The following MYLK variants were observed in gnomAD, a reference collection of about 807,000 sequenced individuals.
MYLK encodes myosin light chain kinase, smooth muscle.
A neutral mutation model predicts 203.4 loss-of-function variants in MYLK; 106 were observed. The observed-to-expected ratio is 0.52, with a 90% CI of 0.45 to 0.61. MYLK has a LOEUF of 0.61. Among genes scored for constraint, MYLK ranks in the 20% least tolerant of loss-of-function variants. MYLK has a pLI of 0.00. For missense variants in MYLK, 2,072 were observed against 2,442.3 expected, an observed-to-expected ratio of 0.85 and a Z score of 3.20; for synonymous variants, 867 against 959.5, an observed-to-expected ratio of 0.90 and a Z score of 1.78.
At chr3:123,737,243 G>T in intron 8 of MYLK, 135 bp downstream of exon 8, 1 of 978,688 alleles carries the variant, frequency 1.0e-6, no homozygotes, top group Non-Finnish European at 1.5e-6. Flanking sequence ...AAAAAGACCT[G>T]CCCCTGGGGA....
intron 27 of MYLK, among the ~76,000 whole-genome samples, chr3:123,644,879 AT>A (rs914191282): frequency 1.3e-5 from 2 of 152,180 alleles, no homozygotes; most frequent in Non-Finnish European, 2.9e-5. Context: ...AAATAGTAGA[AT>A]TTTATAACCA....
chr3:123,631,964 G>C (rs529502147), intron 29 of MYLK, among the ~76,000 whole-genome samples: 1 of 151,828 alleles, frequency 6.6e-6, no homozygotes, highest in South Asian at 2.1e-4. Flanking sequence ...CTGCCCCCTG[G>C]GTTCATGCCA....
intron 2 of MYLK, among the ~76,000 whole-genome samples, chr3:123,861,702 T>C (rs2031939088): frequency 6.6e-6 from 1 of 152,196 alleles, no homozygotes; most frequent in Admixed American, 6.5e-5. Context: ...ACAAGTGTCC[T>C]AATCCAGCAC....
chr3:123,855,676 A>C (rs559636854), intron 2 of MYLK, among the ~76,000 whole-genome samples: 56 of 152,278 alleles, frequency 3.7e-4, no homozygotes, highest in African/African-American at 1.3e-3. Flanking sequence ...AAATAAAAAC[A>C]AAATTAAAAT....
At chr3:123,614,485 CTG>C (rs1375041656) in intron 33 of MYLK, 136 bp from the exon 34 acceptor site, 6 of 914,550 alleles carry the variant, frequency 6.6e-6, no homozygotes, top group Non-Finnish European at 1.0e-5. Flanking sequence ...CCTTTATCGA[CTG>C]TTTTGATATC....
At chr3:123,701,322 G>A in intron 17 of MYLK, 116 bp downstream of exon 17, 1 of 1,106,260 alleles carries the variant, frequency 9.0e-7, no homozygotes, top group Admixed American at 1.9e-5. Context: ...TCTGGCTTTG[G>A]CAGCCTCAGC....
At chr3:123,759,156 C>A (rs910580637) in intron 4 of MYLK, among the ~76,000 whole-genome samples, 2 of 152,190 alleles carry the variant, frequency 1.3e-5, no homozygotes, top group African/African-American at 4.8e-5. Flanking sequence ...TGATGGGCAA[C>A]TTCTCACGTT....
At chr3:123,708,675 C>G (rs368103561) in intron 15 of MYLK, 23 bp downstream of exon 15, 3 of 1,613,720 alleles carry the variant, frequency 1.9e-6, no homozygotes, top group South Asian at 2.2e-5. Flanking sequence ...CCTTCCCACT[C>G]GCTCTGAGTG....
rs72626353 is a variant in MYLK at position 123,677,825 on chromosome 3, A to G, written c.3652+4399T>C. On this transcript the variant is annotated intron_variant, in intron 20 of 33. Transcript: ENST00000360304. Reference sequence around the variant, plus strand: ...CATAGTTAGAATTCAAGGGCATGATATCTCCAATTTGGCCTAAAATGGTAG... The same window carrying G: ...CATAGTTAGAATTCAAGGGCATGATGTCTCCAATTTGGCCTAAAATGGTAG... 0.032 allele frequency among the ~76,000 whole-genome samples: 4,628 copies of G among 146,026 alleles called. 351 individuals are homozygous for G. In the East Asian group the frequency reaches 0.34, roughly 11 times the overall value.
chr3:123,866,754 G>A (rs1274434750), intron 2 of MYLK, among the ~76,000 whole-genome samples: 1 of 152,008 alleles, frequency 6.6e-6, no homozygotes, highest in Non-Finnish European at 1.5e-5. Context: ...CAGACCTCAG[G>A]ACAACCCTTA....
chr3:123,842,963 G>A (rs147840743), intron 2 of MYLK, among the ~76,000 whole-genome samples: 177 of 152,274 alleles, frequency 1.2e-3, no homozygotes, highest in African/African-American at 4.1e-3. Flanking sequence ...ACACCATGTC[G>A]GATCTGACAA....
intron 18 of MYLK, among the ~76,000 whole-genome samples, chr3:123,695,898 A>C (rs1417234415): frequency 6.6e-6 from 1 of 151,864 alleles, no homozygotes; most frequent in Non-Finnish European, 1.5e-5. Context: ...GCCTCCCACC[A>C]CCCCTCAGCA....
intron 12 of MYLK, among the ~76,000 whole-genome samples, chr3:123,723,423 G>A (rs1248535732): frequency 6.6e-6 from 1 of 152,224 alleles, no homozygotes; most frequent in Admixed American, 6.5e-5. Flanking sequence ...GCCACTGAGA[G>A]AAGTGAGCAC....
chr3:123,847,265 T>A (rs2030136787), intron 2 of MYLK, among the ~76,000 whole-genome samples: 1 of 152,092 alleles, frequency 6.6e-6, no homozygotes. Flanking sequence ...ATCCACAGAT[T>A]TTGACACCCA....
At chr3:123,878,507 C>G (rs1026489463) in intron 1 of MYLK, among the ~76,000 whole-genome samples, 3 of 152,142 alleles carry the variant, frequency 2.0e-5, no homozygotes, top group Non-Finnish European at 2.9e-5. Flanking sequence ...CTCCTGCTCC[C>G]CATTGGACCC....
chr3:123,673,378 G>A (rs758406425), intron 20 of MYLK, among the ~76,000 whole-genome samples: 16 of 151,908 alleles, frequency 1.1e-4, no homozygotes, highest in Non-Finnish European at 2.2e-4. Flanking sequence ...CTCCCAAAGT[G>A]CTGGGATTAC....
In MYLK at chr3:123,846,314, T is replaced by C. The variant is rs560638152; in HGVS notation, c.-126-14644A>G. 2.0e-5 allele frequency among the ~76,000 whole-genome samples: 3 copies of C among 152,352 alleles called. No homozygotes were observed. The South Asian group carries it at 6.2e-4, about 32-fold the overall frequency. ...AAGCACAAACACTGTATATATAGTG[T>C]TGTTTTCCAGGCTTTAAAACGCATA... is the stretch of plus-strand genomic sequence containing the variant. On this transcript the variant is annotated intron_variant, in intron 2 of 33. Coordinates refer to ENST00000360304, the MANE Select transcript of MYLK (RefSeq NM_053025.4).
At chr3:123,691,454 AGT>A (rs1345351314) in intron 19 of MYLK, 23 of 152,262 alleles carry the variant, frequency 1.5e-4, no homozygotes, top group African/African-American at 5.5e-4. Context: ...TCCAAGGAGA[AGT>A]ACACAGTATT....
At chr3:123,792,534 C>T (rs999880344) in intron 4 of MYLK, among the ~76,000 whole-genome samples, 1 of 152,108 alleles carries the variant, frequency 6.6e-6, no homozygotes, top group Non-Finnish European at 1.5e-5. Flanking sequence ...AAATAGAATC[C>T]TATAATCAGT....
Sources: gnomAD v4.1 joint callset for allele counts (sites outside exome capture counted in the v4.1 genomes callset) on GRCh38, gnomAD v4.1.1 for gene constraint, MANE v1.5 for transcripts, NCBI Gene and HGNC (gene_info 2026-07-23, HGNC 2026-07-21) for gene names.